The following RBMS3 variants were observed in gnomAD, a reference collection of about 807,000 sequenced individuals.
RBMS3 encodes RNA binding motif single stranded interacting protein 3.
Under a neutral mutation model 66.8 loss-of-function variants are expected in RBMS3, and 27 were observed. That is an observed-to-expected ratio of 0.40 (90% CI 0.30 to 0.56). RBMS3 has a LOEUF of 0.56. Ranked by LOEUF, RBMS3 falls within the 20% of genes least tolerant of loss-of-function variation. RBMS3 has a pLI of 0.40. For missense variants in RBMS3, 513 were observed against 549.5 expected (o/e 0.93, Z 0.66); for synonymous variants, 188 against 183.0 (o/e 1.03, Z -0.22).
chr3:29,448,596 T>A (rs2041915829), intron 2 of RBMS3, among the ~76,000 whole-genome samples: 1 of 152,326 alleles, frequency 6.6e-6, no homozygotes, highest in South Asian at 2.1e-4. Flanking sequence ...ACAATTATAG[T>A]CAGAGTTGAC....
intron 1 of RBMS3, among the ~76,000 whole-genome samples, chr3:29,316,467 A>T (rs2034683504): frequency 6.6e-6 from 1 of 151,626 alleles, no homozygotes; most frequent in South Asian, 2.1e-4. Flanking sequence ...AGTTACTATT[A>T]TCATCATCAG....
intron 14 of RBMS3, among the ~76,000 whole-genome samples, chr3:30,000,354 A>C (rs891585858): frequency 6.6e-6 from 1 of 152,244 alleles, no homozygotes; most frequent in African/African-American, 2.4e-5. Context: ...ATTTCATGCC[A>C]GTTAGAATGG....
At chr3:29,460,444 T>C (rs2042335041) in intron 2 of RBMS3, among the ~76,000 whole-genome samples, 1 of 152,248 alleles carries the variant, frequency 6.6e-6, no homozygotes, top group Admixed American at 6.5e-5. Flanking sequence ...TATTTTTTAA[T>C]GTGGGTCACA....
intron 4 of RBMS3, among the ~76,000 whole-genome samples, chr3:29,658,252 C>A (rs1230739078): frequency 6.6e-6 from 1 of 152,134 alleles, no homozygotes; most frequent in African/African-American, 2.4e-5. Flanking sequence ...TTGTGGTAAT[C>A]ACAGAGAGAA....
intron 6 of RBMS3, among the ~76,000 whole-genome samples, chr3:29,817,255 T>C (rs887988183): frequency 6.7e-6 from 1 of 149,668 alleles, no homozygotes; most frequent in Non-Finnish European, 1.5e-5. Flanking sequence ...TGGCACAATC[T>C]TGGCTCACTG....
intron 3 of RBMS3, among the ~76,000 whole-genome samples, chr3:29,555,728 G>A (rs72855069): frequency 0.011 from 1,687 of 152,212 alleles, 29 homozygotes; most frequent in African/African-American, 0.038. Flanking sequence ...ATTTGGTTCT[G>A]TCTCCTGCTC....
intron 6 of RBMS3, among the ~76,000 whole-genome samples, chr3:29,841,553 T>C (rs950300679): frequency 6.6e-6 from 1 of 152,008 alleles, no homozygotes; most frequent in Non-Finnish European, 1.5e-5. Flanking sequence ...AGATTCACCT[T>C]CACAGAGTAT....
chr3:29,922,493 C>CAAAAAAAAAA (rs68121692), intron 10 of RBMS3, among the ~76,000 whole-genome samples: 6 of 99,086 alleles, frequency 6.1e-5, no homozygotes, highest in Admixed American at 1.1e-4. Context: ...GACTCCGTCT[C>CAAAAAAAAAA]AAAAAAAAAA....
intron 2 of RBMS3, among the ~76,000 whole-genome samples, chr3:29,469,678 T>TATATATAC (rs1440637993): frequency 6.6e-6 from 1 of 151,152 alleles, no homozygotes; most frequent in Admixed American, 6.6e-5. Context: ...TATATATATA[T>TATATATAC]ACATACGTAT....
chr3:29,702,291 G>A (rs1336293764), intron 4 of RBMS3, among the ~76,000 whole-genome samples: 1 of 152,036 alleles, frequency 6.6e-6, no homozygotes, highest in Non-Finnish European at 1.5e-5. Flanking sequence ...CTAATCTAGT[G>A]TGGACTTGGA....
chr3:29,590,700 G>T (rs2047701047), intron 4 of RBMS3, among the ~76,000 whole-genome samples: 1 of 151,956 alleles, frequency 6.6e-6, no homozygotes, highest in African/African-American at 2.4e-5. Context: ...ATTGGCCAAG[G>T]AATATGTGTC....
intron 4 of RBMS3, among the ~76,000 whole-genome samples, chr3:29,660,707 T>C (rs976807856): frequency 6.6e-6 from 1 of 152,222 alleles, no homozygotes; most frequent in African/African-American, 2.4e-5. Flanking sequence ...CTAAATTCTT[T>C]CCAGATCTTT....
At chr3:29,895,163 G>T (rs1211890924) in intron 8 of RBMS3, among the ~76,000 whole-genome samples, 2 of 151,456 alleles carry the variant, frequency 1.3e-5, no homozygotes, top group East Asian at 1.9e-4. Context: ...ACTCAAAGGG[G>T]TATTTTAGAG....
chr3:29,419,224 A>G (rs998435067), intron 1 of RBMS3, among the ~76,000 whole-genome samples: 12 of 152,224 alleles, frequency 7.9e-5, no homozygotes, highest in African/African-American at 2.6e-4. Flanking sequence ...TTTGCTTTCT[A>G]TGCTGTGCTG....
At chr3:29,950,834 A>G (rs1045258342) in intron 12 of RBMS3, among the ~76,000 whole-genome samples, 5 of 151,868 alleles carry the variant, frequency 3.3e-5, no homozygotes, top group Non-Finnish European at 7.4e-5. Flanking sequence ...ATTTTACCCA[A>G]TGTCTTTTAT....
chr3:29,898,907 C>T (rs2060188952), intron 9 of RBMS3, among the ~76,000 whole-genome samples: 1 of 151,574 alleles, frequency 6.6e-6, no homozygotes, highest in African/African-American at 2.4e-5. Context: ...TGGAATTTAA[C>T]TCTAGCTCCC....
rs1577370746 is a variant in RBMS3 at position 30,005,826 on chromosome 3, G to C, written c.*1964G>C. On this transcript the variant is annotated 3_prime_UTR_variant, in exon 15 of 15. Coordinates refer to ENST00000383767, the MANE Select transcript of RBMS3 (RefSeq NM_001003793.3). ...ATTTAGGGAAGTCCTTAAAATGCTA[G>C]TTGACAATCAAGGAACAGTATGATT... 6.6e-6 allele frequency: 1 copy of C among 151,954 alleles called. No individual in the cohort carries two copies. The highest frequency in any genetic ancestry group is 1.9e-4 in the East Asian group (1 of 5,178). 9.4% of individuals were successfully genotyped at this position (151,954 alleles called of 1,614,324 possible). A position where few individuals can be genotyped will look rare whatever the true frequency, so the allele number is the denominator to read the frequency against.
chr3:29,899,741 G>T lies in RBMS3; in HGVS notation c.925G>T (p.Val309Phe). 1 of 1,610,134 alleles carries T rather than the reference G, an allele frequency of 6.2e-7. No homozygotes were observed. ...STSWMPHPPY[V>F]MQPTGAVITP... Reference sequence around the variant, plus strand: ...TTCATGGATGCCTCATCCGCCATACGTTATGCAACCAACAGTAAGTGTTCT... The same window carrying T: ...TTCATGGATGCCTCATCCGCCATACTTTATGCAACCAACAGTAAGTGTTCT... Residue 309 changes from valine to phenylalanine, a missense_variant, in exon 10 of 15, where the codon GTT becomes TTT. Val to Phe is a conservative substitution (Grantham distance 50). Coordinates refer to ENST00000383767, the MANE Select transcript of RBMS3 (RefSeq NM_001003793.3).
chr3:29,986,662 G>T (rs927229087), intron 12 of RBMS3, among the ~76,000 whole-genome samples: 2 of 152,202 alleles, frequency 1.3e-5, no homozygotes, highest in African/African-American at 4.8e-5. Context: ...GCAGATGCTG[G>T]CTGGGCACAG....
Sources: gnomAD v4.1 joint callset for allele counts (sites outside exome capture counted in the v4.1 genomes callset) on GRCh38, gnomAD v4.1.1 for gene constraint, MANE v1.5 for transcripts, NCBI Gene and HGNC (gene_info 2026-07-23, HGNC 2026-07-21) for gene names.